FAM8A1: variants seen among roughly 807,000 people sequenced by gnomAD.
The protein encoded by FAM8A1 is protein FAM8A1.
Under a neutral mutation model 38.3 loss-of-function variants are expected in FAM8A1, and 18 were observed. The observed-to-expected ratio is 0.47, with a 90% confidence interval of 0.33 to 0.70. FAM8A1 has a LOEUF of 0.70. Among genes scored for constraint, FAM8A1 ranks in the 30% least tolerant of loss-of-function variants. FAM8A1 has a pLI of 0.03. For synonymous variants in FAM8A1, 246 were observed against 234.4 expected (o/e 1.05, Z -0.45); for missense variants, 559 against 559.6 (o/e 1.00, Z 0.01).
chr6:17,605,764 ATTCT>A lies in FAM8A1; in HGVS notation c.958-106_958-103del, dbSNP rs1021460588. ...GGTTAACTTTTGAGTATTCTATGCAATTCTTTCAACTTGAAAAATTTAAAACATG... is the reference window on the plus strand; with the variant it reads ...GGTTAACTTTTGAGTATTCTATGCAATTCAACTTGAAAAATTTAAAACATG... On this transcript the variant is annotated intron_variant, in intron 3 of 4. Coordinates refer to ENST00000259963, the MANE Select transcript of FAM8A1 (RefSeq NM_016255.3). 3 of 1,138,796 alleles carry A rather than the reference ATTCT, an allele frequency of 2.6e-6. No homozygotes were observed. The African/African-American group carries it at 4.7e-5, about 18-fold the overall frequency. 70.5% of individuals were successfully genotyped at this position (1,138,796 alleles called of 1,614,324 possible).
Position 17,609,330 on chromosome 6 carries a change from ATGAC to A in FAM8A1, c.*994_*997del, listed in dbSNP as rs1764103746. The stretch of plus-strand genomic sequence containing the variant: ...CTTTCCTTATATTTTATATAGTTCT[ATGAC>A]TGTTGAAACATCAAGGAGTTAAAAA... On this transcript the variant is annotated 3_prime_UTR_variant, in exon 5 of 5. Coordinates refer to ENST00000259963, the MANE Select transcript of FAM8A1 (RefSeq NM_016255.3). The A allele has an allele frequency of 6.6e-6, 1 of 152,170 alleles. No homozygotes were observed. The highest frequency in any genetic ancestry group is 1.5e-5 in the Non-Finnish European group (1 of 68,016). The allele number at this position is 152,170 out of a possible 1,614,324, so 9.4% of individuals were successfully genotyped here.
At chr6:17,603,499 A>C (rs908765993) in intron 2 of FAM8A1, among the ~76,000 whole-genome samples, 1 of 151,596 alleles carries the variant, frequency 6.6e-6, no homozygotes, top group Non-Finnish European at 1.5e-5. Flanking sequence ...CTCTCACTCC[A>C]CTCCACATCC....
chr6:17,601,390 C>G (rs1045949825), intron 1 of FAM8A1, among the ~76,000 whole-genome samples: 2 of 152,228 alleles, frequency 1.3e-5, no homozygotes, highest in African/African-American at 4.8e-5. Flanking sequence ...AGAAATTGCT[C>G]TTCAAACCAT....
chr6:17,610,448 T>C lies in FAM8A1; in HGVS notation c.*2109T>C, dbSNP rs1184060914. 3.9e-5 allele frequency: 6 copies of C among 152,134 alleles called. No individual in the cohort carries two copies. Among genetic ancestry groups the C allele is most frequent in the African/African-American group, 9.7e-5 (4 of 41,430 alleles). 9.4% of individuals were successfully genotyped at this position (152,134 alleles called of 1,614,324 possible). ...ATACTGTATAACCCTACAAAATACATAGAAGTATTATTTGCCTTCATAATA... is the reference window on the plus strand; with the variant it reads ...ATACTGTATAACCCTACAAAATACACAGAAGTATTATTTGCCTTCATAATA... On this transcript the variant is annotated 3_prime_UTR_variant, in exon 5 of 5. Transcript: ENST00000259963.
At chr6:17,606,482 G>A (rs1764055051) in intron 4 of FAM8A1, among the ~76,000 whole-genome samples, 1 of 152,140 alleles carries the variant, frequency 6.6e-6, no homozygotes, top group Non-Finnish European at 1.5e-5. Context: ...TTACAGACGT[G>A]AGCCACCATG....
At position 17,604,998 on chromosome 6, in the gene FAM8A1, T is replaced by G. The variant is rs1764033532; in HGVS notation, c.926T>G (p.Leu309Arg). 1 of 1,610,908 alleles carries G rather than the reference T, an allele frequency of 6.2e-7. No individual in the cohort carries two copies. The highest frequency in any genetic ancestry group is 1.3e-5 in the African/African-American group (1 of 74,926). Residue 309 changes from leucine (L) to arginine (R), a missense_variant, in exon 3 of 5, where the codon CTT becomes CGT. This residue lies in a region of FAM8A1 where 166 missense variants were observed against 220.8 expected (regional missense o/e 0.75). Coordinates refer to ENST00000259963, the MANE Select transcript of FAM8A1 (RefSeq NM_016255.3). ...TTGCAGAAAATGATGGTTGTGGCAC[T>G]TATATACAGATTATTAGTTTGTTTC... ...EDLQKMMVVA[L>R]IYRLLVCFYE...
Position 17,604,975 on chromosome 6 carries a change from G to C in FAM8A1, c.903G>C (p.Leu301Phe). 1 of 1,611,182 alleles carries C rather than the reference G, an allele frequency of 6.2e-7. No homozygotes were observed. The highest frequency in any genetic ancestry group is 8.5e-7 in the Non-Finnish European group (1 of 1,178,290). Reference sequence around the variant, plus strand: ...ATGAAGACACATCAATGGAAGACTTGCAGAAAATGATGGTTGTGGCACTTA... The same window carrying C: ...ATGAAGACACATCAATGGAAGACTTCCAGAAAATGATGGTTGTGGCACTTA... ...EIDEDTSMEDLQKMMVVALIY... is the reference protein window; with the variant it reads ...EIDEDTSMEDFQKMMVVALIY... The change falls in exon 3 of 5, where the codon TTG becomes TTC. Residue 301 changes from leucine to phenylalanine, a missense_variant. Coordinates refer to ENST00000259963, the MANE Select transcript of FAM8A1 (RefSeq NM_016255.3).
chr6:17,608,729 G>C lies in FAM8A1; in HGVS notation c.*390G>C, dbSNP rs1417501064. ...AATGGAAAATGTCCAGTTGTGTTTTGTAAACACCTATGTAACTCATCTTTT... is the reference window on the plus strand; with the variant it reads ...AATGGAAAATGTCCAGTTGTGTTTTCTAAACACCTATGTAACTCATCTTTT... On this transcript the variant is annotated 3_prime_UTR_variant, in exon 5 of 5. Transcript: ENST00000259963. 6.5e-6 allele frequency: 1 copy of C among 154,818 alleles called. No individual in the cohort carries two copies. Among genetic ancestry groups the C allele is most frequent in the African/African-American group, 2.4e-5 (1 of 41,522 alleles). 9.6% of individuals were successfully genotyped at this position (154,818 alleles called of 1,614,324 possible).
At position 17,600,320 on chromosome 6, in the gene FAM8A1, T is replaced by A; in HGVS notation, c.-90T>A. The A allele has an allele frequency of 7.8e-7, 1 of 1,288,804 alleles. No individual in the cohort carries two copies. The highest frequency in any genetic ancestry group is 9.9e-7 in the Non-Finnish European group (1 of 1,014,858). 79.8% of individuals were successfully genotyped at this position (1,288,804 alleles called of 1,614,324 possible). A position where few individuals can be genotyped will look rare whatever the true frequency, so the allele number is the denominator to read the frequency against. Reference sequence around the variant, plus strand: ...GGGGATTGTTGACGCCTGCGGTTGCTGCGGTGGTGACGGGGCTGTTGGGGA... The same window carrying A: ...GGGGATTGTTGACGCCTGCGGTTGCAGCGGTGGTGACGGGGCTGTTGGGGA... On this transcript the variant is annotated 5_prime_UTR_variant, in exon 1 of 5. Coordinates refer to ENST00000259963, the MANE Select transcript of FAM8A1 (RefSeq NM_016255.3).
chr6:17,600,678 A>G lies in FAM8A1; in HGVS notation c.269A>G (p.Gln90Arg). 1 of 1,586,460 alleles carries G rather than the reference A, an allele frequency of 6.3e-7. No individual in the cohort carries two copies. The highest frequency in any genetic ancestry group is 8.5e-7 in the Non-Finnish European group (1 of 1,169,970). The part of the protein sequence containing the change: ...ASGSGAELQE[Q>R]AGCEAPEAAA... ...GGCTCCGGTGCAGAGCTGCAGGAGC[A>G]GGCGGGCTGCGAGGCGCCCGAAGCC... is the stretch of plus-strand genomic sequence containing the variant. Residue 90 changes from glutamine (Q) to arginine (R), a missense_variant, in exon 1 of 5, where the codon CAG becomes CGG. By Grantham distance (43) the Gln-to-Arg change is conservative. Coordinates refer to ENST00000259963, the MANE Select transcript of FAM8A1 (RefSeq NM_016255.3).
In FAM8A1 at chr6:17,600,921, A is replaced by G. The variant is rs962065526; in HGVS notation, c.512A>G (p.Tyr171Cys). The G allele has an allele frequency of 4.4e-6, 7 of 1,592,864 alleles. No individual in the cohort carries two copies. The highest frequency in any genetic ancestry group is 1.4e-5 in the African/African-American group (1 of 73,914). The change falls in exon 1 of 5, where the codon TAT becomes TGT. Residue 171 changes from tyrosine (Y) to cysteine (C), a missense_variant. Transcript: ENST00000259963. ...AAAPPPPQLG[Y>C]YNPFYFLSPG... ...GCGCCGCCGCCCCCGCAGCTGGGCT[A>G]TTACAACCCCTTCTACTTCCTGAGC... is the stretch of plus-strand genomic sequence containing the variant.
Position 17,611,150 on chromosome 6 carries a change from TAG to T in FAM8A1, c.*2812_*2813del, listed in dbSNP as rs982588351. On this transcript the variant is annotated 3_prime_UTR_variant, in exon 5 of 5. Transcript: ENST00000259963. ...TTCCGATTTTACCCAAGTATATATA[TAG>T]GATAGAAAAAAATGCATTATATTTG... is the stretch of plus-strand genomic sequence containing the variant. 5 of 152,122 alleles carry T rather than the reference TAG, an allele frequency of 3.3e-5. No individual in the cohort carries two copies. The highest frequency in any genetic ancestry group is 1.2e-4 in the African/African-American group (5 of 41,420). 9.4% of individuals were successfully genotyped at this position (152,122 alleles called of 1,614,324 possible).
At chr6:17,607,532 C>CTAT (rs1554134091) in intron 4 of FAM8A1, among the ~76,000 whole-genome samples, 3 of 151,852 alleles carry the variant, frequency 2.0e-5, no homozygotes, top group Admixed American at 6.6e-5. Flanking sequence ...TCTATAGTAT[C>CTAT]ATAAGATAGA....
rs1179469582 is a variant in FAM8A1 at position 17,600,571 on chromosome 6, A to AG, written c.163dup (p.Ala55GlyfsTer132). ...AACCCCAGGCCCCGGGCCGGCCCAC[A>AG]GCCCCGGGCCTCGCGGCTGCCGCCG... On this transcript the variant is annotated frameshift_variant, in exon 1 of 5. Transcript: ENST00000259963. LOFTEE classifies it high-confidence loss of function. 6 of 1,488,456 alleles carry AG rather than the reference A, an allele frequency of 4.0e-6. No homozygotes were observed. In the African/African-American group the frequency reaches 7.7e-5, roughly 19 times the overall value. The allele number at this position is 1,488,456 out of a possible 1,614,324, so 92.2% of individuals were successfully genotyped here.
rs1350851583 is a variant in FAM8A1 at position 17,611,625 on chromosome 6, CCCACCTA to C, written c.*3287_*3293del. Reference sequence around the variant, plus strand: ...TTAACCTGTAAACAGTATCTGATGGCCCACCTATAAATAAAATTCAGCATTCTATTTT... The same window carrying C: ...TTAACCTGTAAACAGTATCTGATGGCTAAATAAAATTCAGCATTCTATTTT... On this transcript the variant is annotated 3_prime_UTR_variant, in exon 5 of 5. Coordinates refer to ENST00000259963, the MANE Select transcript of FAM8A1 (RefSeq NM_016255.3). 6.6e-6 allele frequency: 1 copy of C among 152,344 alleles called. No individual in the cohort carries two copies. The highest frequency in any genetic ancestry group is 2.4e-5 in the African/African-American group (1 of 41,430). The allele number at this position is 152,344 out of a possible 1,614,324, so 9.4% of individuals were successfully genotyped here.
chr6:17,601,799 T>C (rs1043452890), intron 1 of FAM8A1, among the ~76,000 whole-genome samples: 5 of 151,578 alleles, frequency 3.3e-5, no homozygotes, highest in Non-Finnish European at 5.9e-5. Flanking sequence ...GGATGACAGA[T>C]TGATACTCAC....
chr6:17,602,067 A>G lies in FAM8A1; in HGVS notation c.713-523A>G, dbSNP rs533497750. ...GAGGGTGGGGACAAGGTCTGCTTCT[A>G]TCGCCCAGCCTGGATAGTGCAGTGG... On this transcript the variant is annotated intron_variant, in intron 1 of 4. Transcript: ENST00000259963. 1.3e-4 allele frequency among the ~76,000 whole-genome samples: 20 copies of G among 152,294 alleles called. No homozygotes were observed. The South Asian group carries it at 1.9e-3, about 14-fold the overall frequency.
At position 17,605,938 on chromosome 6, in the gene FAM8A1, T is replaced by C; in HGVS notation, c.1022T>C (p.Val341Ala). ...AAGTTCCTGCTGGGGCTTCGAGTTG[T>C]GACATGTGATACATCAGTGCTTATT... ...PGKFLLGLRV[V>A]TCDTSVLIAP... The change falls in exon 4 of 5, where the codon GTG becomes GCG. Residue 341 changes from valine to alanine, a missense_variant. This residue lies in a region of FAM8A1 where 166 missense variants were observed against 220.8 expected (regional missense o/e 0.75). Transcript: ENST00000259963. 6.5e-7 allele frequency: 1 copy of C among 1,528,780 alleles called. No homozygotes were observed. The highest frequency in any genetic ancestry group is 8.9e-7 in the Non-Finnish European group (1 of 1,129,680). 94.7% of individuals were successfully genotyped at this position (1,528,780 alleles called of 1,614,324 possible). A position where few individuals can be genotyped will look rare whatever the true frequency, so the allele number is the denominator to read the frequency against.
intron 4 of FAM8A1, among the ~76,000 whole-genome samples, chr6:17,607,258 C>CAAAA (rs879878979): frequency 1.1e-4 from 4 of 35,200 alleles, no homozygotes; most frequent in Non-Finnish European, 5.7e-5. Flanking sequence ...GACTCCATCT[C>CAAAA]AAAAAAAAAA....
Sources: gnomAD v4.1 joint callset for allele counts (sites outside exome capture counted in the v4.1 genomes callset) on GRCh38, gnomAD v4.1.1 for gene constraint, gnomAD v4.1.1 regional missense constraint, MANE v1.5 for transcripts, NCBI Gene and HGNC (gene_info 2026-07-23, HGNC 2026-07-21) for gene names.